MPP7: variants seen among roughly 807,000 people sequenced by gnomAD.
MPP7 encodes MAGUK p55 scaffold protein 7, also known as MAGUK p55 subfamily member 7.
Under a neutral mutation model 76.5 loss-of-function variants are expected in MPP7, and 60 were observed. The ratio of observed to expected loss-of-function variants is 0.78; its 90% CI spans 0.64 to 0.97. MPP7 has a LOEUF of 0.97. Among genes scored for constraint, MPP7 ranks in the 50% least tolerant of loss-of-function variants. MPP7 has a pLI of 0.00. For synonymous variants in MPP7, 237 were observed against 244.5 expected (o/e 0.97, Z 0.29); for missense variants, 641 against 694.0 (o/e 0.92, Z 0.86).
chr10:28,333,265 C>T (rs1488541148), intron 1 of MPP7, among the ~76,000 whole-genome samples: 1 of 152,198 alleles, frequency 6.6e-6, no homozygotes, highest in African/African-American at 2.4e-5. Context: ...CCTGCCTCAG[C>T]CTCTGGAGTA....
At chr10:28,292,066 C>G (rs895748855) in intron 1 of MPP7, among the ~76,000 whole-genome samples, 3 of 152,144 alleles carry the variant, frequency 2.0e-5, no homozygotes, top group Admixed American at 1.3e-4. Flanking sequence ...TTTTACTATA[C>G]TTTTTCTATG....
intron 1 of MPP7, among the ~76,000 whole-genome samples, chr10:28,268,979 C>T (rs927700516): frequency 2.0e-5 from 3 of 152,240 alleles, no homozygotes; most frequent in African/African-American, 7.2e-5. Context: ...ACTACTCTTC[C>T]TTCAGGAATA....
intron 6 of MPP7, among the ~76,000 whole-genome samples, chr10:28,129,304 T>C (rs866294525): frequency 8.0e-4 from 122 of 152,324 alleles, no homozygotes; most frequent in African/African-American, 2.7e-3. Flanking sequence ...ATTACTTATT[T>C]TCCTACATAA....
chr10:28,131,770 C>G, intron 5 of MPP7, 79 bp from the exon 6 acceptor site: 4 of 716,480 alleles, frequency 5.6e-6, no homozygotes, highest in Non-Finnish European at 7.2e-6. Context: ...AAATTTCAAA[C>G]ACATCAAACT....
rs1839592700 is a variant in MPP7 at position 28,250,870 on chromosome 10, T to TA, written c.-131-12136dup. Among the ~76,000 whole-genome samples the TA allele has an allele frequency of 2.6e-5, 4 of 152,332 alleles. No homozygotes were observed. In the South Asian group the frequency reaches 8.3e-4, roughly 32 times the overall value. ...AGCCTGTGAGCAAAAAGGATCATAA[T>TA]AGTAAGTATAGGTGTCAACAAAGTC... On this transcript the variant is annotated intron_variant, in intron 1 of 16. Transcript: ENST00000683449.
Position 28,052,528 on chromosome 10 carries a change from C to G in MPP7, c.*1537G>C, listed in dbSNP as rs1466154513. The G allele has an allele frequency of 6.6e-6, 1 of 152,554 alleles. No homozygotes were observed. The highest frequency in any genetic ancestry group is 1.9e-4 in the East Asian group (1 of 5,196). The allele number at this position is 152,554 out of a possible 1,614,324, so 9.5% of individuals were successfully genotyped here. On this transcript the variant is annotated 3_prime_UTR_variant, in exon 17 of 17. Coordinates refer to ENST00000683449, the MANE Select transcript of MPP7 (RefSeq NM_001318170.2). Reference sequence around the variant, plus strand: ...CCAGTGAATAATGCTATCAAATGTGCAGTGCACAGATCGCACACTTGGATC... The same window carrying G: ...CCAGTGAATAATGCTATCAAATGTGGAGTGCACAGATCGCACACTTGGATC...
intron 1 of MPP7, among the ~76,000 whole-genome samples, chr10:28,258,669 G>C (rs1213582803): frequency 6.6e-6 from 1 of 151,500 alleles, no homozygotes; most frequent in African/African-American, 2.4e-5. Flanking sequence ...CAAAGTACTG[G>C]GATTACAGAC....
At chr10:28,213,564 G>T (rs1838212380) in intron 2 of MPP7, among the ~76,000 whole-genome samples, 1 of 152,036 alleles carries the variant, frequency 6.6e-6, no homozygotes, top group East Asian at 1.9e-4. Flanking sequence ...TGAGGCCAAG[G>T]CGGGCAGATC....
At chr10:28,124,673 C>T (rs953975888) in intron 7 of MPP7, among the ~76,000 whole-genome samples, 6 of 149,936 alleles carry the variant, frequency 4.0e-5, no homozygotes, top group Non-Finnish European at 8.9e-5. Context: ...TTAGTAGAGA[C>T]AGGGTTTCAC....
chr10:28,057,634 TTAG>T, intron 15 of MPP7: 1 of 421,732 alleles, frequency 2.4e-6, no homozygotes, highest in Non-Finnish European at 3.4e-6. Context: ...TTTTTTTTTT[TTAG>T]TAAATTACCC....
At chr10:28,141,418 C>T (rs1361008774) in intron 5 of MPP7, among the ~76,000 whole-genome samples, 1 of 151,884 alleles carries the variant, frequency 6.6e-6, no homozygotes, top group African/African-American at 2.4e-5. Flanking sequence ...AATTACTAAA[C>T]AGGAAAAGAT....
intron 1 of MPP7, among the ~76,000 whole-genome samples, chr10:28,278,823 T>A (rs1408316495): frequency 6.6e-6 from 1 of 150,406 alleles, no homozygotes; most frequent in Admixed American, 6.6e-5. Flanking sequence ...CCATTTTTTT[T>A]AATCTGAAAA....
chr10:28,230,643 A>G (rs550918686), intron 2 of MPP7, among the ~76,000 whole-genome samples: 1 of 152,004 alleles, frequency 6.6e-6, no homozygotes, highest in African/African-American at 2.4e-5. Flanking sequence ...ATGAAACCCC[A>G]TCTCTACAAA....
chr10:28,136,464 AAGC>A (rs1835357300), intron 5 of MPP7, among the ~76,000 whole-genome samples: 1 of 152,176 alleles, frequency 6.6e-6, no homozygotes, highest in South Asian at 2.1e-4. Flanking sequence ...TATGCAAAGA[AAGC>A]AGAAAATACT....
chr10:28,220,895 T>C (rs559364840), intron 2 of MPP7, among the ~76,000 whole-genome samples: 16 of 152,292 alleles, frequency 1.1e-4, no homozygotes, highest in African/African-American at 2.9e-4. Flanking sequence ...GTAGCTTCTA[T>C]TGTCATCTTT....
intron 13 of MPP7, among the ~76,000 whole-genome samples, chr10:28,069,313 A>G (rs999941103): frequency 5.3e-5 from 8 of 152,212 alleles, no homozygotes; most frequent in Admixed American, 3.3e-4. Context: ...TGCCTGTATC[A>G]AAACACCTTG....
chr10:28,293,800 G>GGGT (rs1176378502), intron 1 of MPP7, among the ~76,000 whole-genome samples: 8 of 152,290 alleles, frequency 5.3e-5, no homozygotes, highest in African/African-American at 1.7e-4. Context: ...TACCCTCATA[G>GGGT]GGTTTATGTC....
In MPP7 at chr10:28,056,624, C is replaced by G; in HGVS notation, c.1408-1G>C. The G allele has an allele frequency of 6.5e-7, 1 of 1,548,404 alleles. No homozygotes were observed. Among genetic ancestry groups the G allele is most frequent in the Non-Finnish European group, 8.6e-7 (1 of 1,158,272 alleles). On this transcript the variant is annotated splice_acceptor_variant, in intron 15 of 16. Transcript: ENST00000683449. LOFTEE classifies it high-confidence loss of function. ...CTAGTGTCCTTAAATGCTTCACTGT[C>G]TACAAGGAAGAAAAGAAAGTTTTCT...
rs1257493599 is a variant in MPP7 at position 28,052,671 on chromosome 10, T to A, written c.*1394A>T. 6.6e-6 allele frequency: 1 copy of A among 152,528 alleles called. No individual in the cohort carries two copies. Among genetic ancestry groups the A allele is most frequent in the East Asian group, 1.9e-4 (1 of 5,204 alleles). 9.4% of individuals were successfully genotyped at this position (152,528 alleles called of 1,614,324 possible). A position where few individuals can be genotyped will look rare whatever the true frequency, so the allele number is the denominator to read the frequency against. ...TTATTTTATGAATAGCCCCGTTTGA[T>A]ATTTAAAAAAATATGCCTTTAAAAT... is the stretch of plus-strand genomic sequence containing the variant. On this transcript the variant is annotated 3_prime_UTR_variant, in exon 17 of 17. Coordinates refer to ENST00000683449, the MANE Select transcript of MPP7 (RefSeq NM_001318170.2).
Sources: gnomAD v4.1 joint callset for allele counts (sites outside exome capture counted in the v4.1 genomes callset) on GRCh38, gnomAD v4.1.1 for gene constraint, MANE v1.5 for transcripts, NCBI Gene and HGNC (gene_info 2026-07-23, HGNC 2026-07-21) for gene names.